The following MACF1 variants were observed in gnomAD, a reference collection of about 807,000 sequenced individuals.
MACF1 encodes the protein microtubule-actin cross-linking factor 1.
Under a neutral mutation model 854.8 loss-of-function variants are expected in MACF1, and 193 were observed. The observed-to-expected ratio is 0.23, with a 90% CI of 0.20 to 0.25. The LOEUF (loss-of-function observed/expected upper bound fraction) is 0.25. Ranked by LOEUF, MACF1 falls within the 10% of genes least tolerant of loss-of-function variation. The probability of loss-of-function intolerance (pLI) is 1.00; values close to 1 mark genes in which losing one functional copy is unlikely to be tolerated. For missense variants in MACF1, 7,722 were observed against 8,929.1 expected, an observed-to-expected ratio of 0.86 and a Z score of 5.45; for synonymous variants, 3,185 against 3,226.7, an observed-to-expected ratio of 0.99 and a Z score of 0.44.
chr1:39,434,681 AATTT>A, intron 69 of MACF1, 49 bp downstream of exon 69: 2 of 1,534,046 alleles, frequency 1.3e-6, no homozygotes, highest in Non-Finnish European at 1.8e-6. Context: ...TGGTCTCTAT[AATTT>A]ATTTAAAAAC....
At chr1:39,443,201 C>T (rs976412567) in intron 78 of MACF1, among the ~76,000 whole-genome samples, 1 of 152,092 alleles carries the variant, frequency 6.6e-6, no homozygotes, top group Non-Finnish European at 1.5e-5. Flanking sequence ...TTCAACAGTA[C>T]CTTAATCAAT....
chr1:39,421,568 A>G (rs946895743), intron 58 of MACF1, among the ~76,000 whole-genome samples: 4 of 152,204 alleles, frequency 2.6e-5, no homozygotes, highest in African/African-American at 9.6e-5. Flanking sequence ...CACTGTTAAT[A>G]TGTTTTGACT....
chr1:39,182,066 G>T (rs189077287), intron 2 of MACF1, among the ~76,000 whole-genome samples: 1 of 151,392 alleles, frequency 6.6e-6, no homozygotes, highest in African/African-American at 2.4e-5. Context: ...CAGGAGAATC[G>T]CTTGAACCCG....
intron 6 of MACF1, among the ~76,000 whole-genome samples, chr1:39,259,742 C>T (rs1219622211): frequency 1.3e-5 from 2 of 152,134 alleles, no homozygotes; most frequent in Non-Finnish European, 2.9e-5. Flanking sequence ...CCTGCTTCAG[C>T]CTTCCGAGTA....
At chr1:39,312,231 A>T (rs764019398) in intron 26 of MACF1, among the ~76,000 whole-genome samples, 18 of 152,168 alleles carry the variant, frequency 1.2e-4, no homozygotes, top group African/African-American at 1.9e-4. Flanking sequence ...AGATACATAT[A>T]TACATACATA....
At chr1:39,115,652 TGA>T (rs1180822516) in intron 2 of MACF1, among the ~76,000 whole-genome samples, 2 of 151,754 alleles carry the variant, frequency 1.3e-5, no homozygotes, top group Non-Finnish European at 2.9e-5. Context: ...GGTGAGAGGG[TGA>T]GAGAGTCATC....
intron 10 of MACF1, 44 bp downstream of exon 10, chr1:39,284,229 G>A (rs780484056): frequency 5.0e-6 from 8 of 1,603,072 alleles, no homozygotes; most frequent in Admixed American, 1.7e-5. Context: ...TCTTTCTAGG[G>A]AGTAAGTCTC....
chr1:39,289,279 G>A (rs779933658), intron 15 of MACF1, among the ~76,000 whole-genome samples: 54 of 152,152 alleles, frequency 3.5e-4, no homozygotes, highest in Non-Finnish European at 6.9e-4. Context: ...GGATCATACA[G>A]TAGCTCTATT....
At chr1:39,210,173 G>T (rs1050974485) in intron 1 of MACF1, among the ~76,000 whole-genome samples, 1 of 151,882 alleles carries the variant, frequency 6.6e-6, no homozygotes, top group African/African-American at 2.4e-5. Flanking sequence ...AACCTTTTGA[G>T]ATTTCTTTGA....
intron 38 of MACF1, 70 bp downstream of exon 38, chr1:39,337,401 T>A: frequency 6.5e-7 from 1 of 1,527,428 alleles, no homozygotes; most frequent in Non-Finnish European, 8.9e-7. Context: ...CTTGAAGATT[T>A]CAAGACTTAC....
In MACF1 at chr1:39,458,390, T is replaced by C; in HGVS notation, c.21096T>C (p.Thr7032=). The part of the protein sequence containing the change: ...AEHQTFMEEM[T]RKQPDVDRVT... Reference sequence around the variant, plus strand: ...AACAGACATTTATGGAGGAGATGACTCGCAAACAGCCTGACGTGGACCGGG... The same window carrying C: ...AACAGACATTTATGGAGGAGATGACCCGCAAACAGCCTGACGTGGACCGGG... Residue 7032 remains threonine (T), a synonymous_variant, in exon 90 of 101, where the codon ACT becomes ACC. Coordinates refer to ENST00000564288, the MANE Select transcript of MACF1 (RefSeq NM_001394062.1). The C allele has an allele frequency of 6.2e-7, 1 of 1,613,798 alleles. No individual in the cohort carries two copies. Among genetic ancestry groups the C allele is most frequent in the South Asian group, 1.1e-5 (1 of 91,066 alleles).
chr1:39,390,373 A>G (rs1641984180), intron 58 of MACF1, among the ~76,000 whole-genome samples: 2 of 152,244 alleles, frequency 1.3e-5, no homozygotes, highest in Non-Finnish European at 2.9e-5. Flanking sequence ...TTTTGTAGAC[A>G]GGATCCAAGT....
intron 18 of MACF1, 59 bp downstream of exon 18, chr1:39,293,678 G>C (rs1017068393): frequency 5.9e-6 from 9 of 1,524,146 alleles, no homozygotes; most frequent in Non-Finnish European, 8.0e-6. Context: ...GAAGGAGACA[G>C]GGCCTAGTCT....
At chr1:39,456,260 G>A (rs1245215763) in intron 89 of MACF1, among the ~76,000 whole-genome samples, 1 of 152,170 alleles carries the variant, frequency 6.6e-6, no homozygotes, top group African/African-American at 2.4e-5. Flanking sequence ...CTTGAACCAG[G>A]GAGGCAGAGG....
intron 50 of MACF1, 81 bp downstream of exon 50, chr1:39,368,395 C>T (rs1438202882): frequency 6.9e-5 from 97 of 1,408,118 alleles, no homozygotes; most frequent in Non-Finnish European, 9.4e-5. Context: ...CTCTTTTCTT[C>T]CTTTACCAGA....
At position 39,283,802 on chromosome 1, in the gene MACF1, T is replaced by C. The variant is rs529488138; in HGVS notation, c.916-264T>C. Among the ~76,000 whole-genome samples the C allele has an allele frequency of 1.3e-5, 2 of 152,320 alleles. No homozygotes were observed. The highest frequency in any genetic ancestry group is 1.3e-4 in the Admixed American group (2 of 15,306). ...AAGTGTTTTATCAGTCACTTATGTA[T>C]CAGCTTGATTAGGTAGATCATGGCT... On this transcript the variant is annotated intron_variant, in intron 9 of 100. Transcript: ENST00000564288. The surrounding 1 kb of genome is among the most constrained non-coding windows in gnomAD (Gnocchi z 4.5).
chr1:39,427,924 T>C, intron 62 of MACF1, 37 bp from the exon 63 acceptor site: 1 of 1,446,038 alleles, frequency 6.9e-7, no homozygotes, highest in Non-Finnish European at 9.5e-7. Context: ...TCATTTATTT[T>C]GTTTCTGTTA....
At chr1:39,458,564 C>CA (rs375611872) in intron 90 of MACF1, 74 bp downstream of exon 90, 11 of 1,484,724 alleles carry the variant, frequency 7.4e-6, no homozygotes, top group East Asian at 2.3e-5. Flanking sequence ...AAATGCCTAT[C>CA]AAAAAAAATT....
In MACF1 at chr1:39,333,431, A is replaced by G. The variant is rs762920517; in HGVS notation, c.6843A>G (p.Glu2281=). Residue 2281 remains glutamate (E), a synonymous_variant, in exon 37 of 101, where the codon GAA becomes GAG. Transcript: ENST00000564288. ...GCAGTCATCCATTAGAATTGCTTGA[A>G]GAAGCTACCTTAAATGTATTATCTG... ...LSCSHPLELL[E]EATLNVLSAQ... 2.5e-6 allele frequency: 4 copies of G among 1,614,078 alleles called. No individual in the cohort carries two copies. The African/African-American group carries it at 5.3e-5, about 22-fold the overall frequency.
Sources: allele counts gnomAD v4.1 joint callset (sites outside exome capture counted in the v4.1 genomes callset), GRCh38; gene constraint gnomAD v4.1.1; non-coding constraint Gnocchi (gnomAD v3.1); transcripts MANE v1.5; gene names NCBI Gene and HGNC (gene_info 2026-07-23, HGNC 2026-07-21).